Variants in NOX3 observed in about 807,000 individuals in gnomAD.
NOX3 encodes NADPH oxidase catalytic subunit-like 3.
In NOX3, 74 loss-of-function variants were observed where a neutral mutation model predicts 76.7. The ratio of observed to expected loss-of-function variants is 0.96; its 90% CI spans 0.80 to 1.17. NOX3 has a LOEUF of 1.17. NOX3 is among the 50% of genes most tolerant of loss of function. The pLI, the probability that NOX3 is intolerant of heterozygous loss-of-function variation, is 0.00. For missense variants in NOX3, 695 were observed against 703.3 expected (o/e 0.99, Z 0.13); for synonymous variants, 263 against 261.1 (o/e 1.01, Z -0.07).
chr6:155,443,701 T>G (rs996379887), intron 4 of NOX3, among the ~76,000 whole-genome samples: 3 of 151,976 alleles, frequency 2.0e-5, no homozygotes, highest in Non-Finnish European at 2.9e-5. Context: ...GTGGAATAAA[T>G]GTTATGATAT....
At chr6:155,433,935 A>G (rs1375074506) in intron 7 of NOX3, among the ~76,000 whole-genome samples, 6 of 152,208 alleles carry the variant, frequency 3.9e-5, no homozygotes, top group South Asian at 4.1e-4. Flanking sequence ...AAAATGCTCA[A>G]AAAGTCACGC....
intron 4 of NOX3, 71 bp from the exon 5 acceptor site, chr6:155,443,489 T>A: frequency 1.3e-6 from 2 of 1,529,372 alleles, no homozygotes; most frequent in Non-Finnish European, 1.8e-6. Context: ...AAAAATACAG[T>A]GTCTCTGTGC....
chr6:155,411,260 T>C lies in NOX3; in HGVS notation c.1409A>G (p.His470Arg). The C allele has an allele frequency of 1.9e-6, 3 of 1,614,110 alleles. No individual in the cohort carries two copies. Among genetic ancestry groups the C allele is most frequent in the Non-Finnish European group, 8.5e-7 (1 of 1,179,980 alleles). Residue 470 changes from histidine (H) to arginine (R), a missense_variant, in exon 11 of 14, where the codon CAC (histidine) becomes CGC (arginine). His to Arg is a conservative substitution (Grantham distance 29). Coordinates refer to ENST00000159060, the MANE Select transcript of NOX3 (RefSeq NM_015718.3). Reference sequence around the variant, plus strand: ...AAGAAATATATGATAACTCAGAAAGTGAGTTTTCCCCTGCTCACTCATCCG... The same window carrying C: ...AAGAAATATATGATAACTCAGAAAGCGAGTTTTCCCCTGCTCACTCATCCG... The part of the protein sequence containing the change: ...ETRMSEQGKT[H>R]FLSYHIFLTG...
At chr6:155,436,356 A>G (rs1776903177) in intron 7 of NOX3, 62 bp downstream of exon 7, 2 of 1,592,460 alleles carry the variant, frequency 1.3e-6, no homozygotes, top group Admixed American at 3.4e-5. Flanking sequence ...CCAAGCCTAT[A>G]AAAACTCTGT....
chr6:155,430,925 C>T lies in NOX3; in HGVS notation c.809G>A (p.Trp270Ter). Reference protein sequence around the residue: ...FSGKEPSAWKWILGPVVLYAC... With the variant: ...FSGKEPSAWK ...ATACAAGACCACAGGGCCTAAAATCCATTTCCAAGCCTGAAGAGAGTAGCA... is the reference window on the plus strand; with the variant it reads ...ATACAAGACCACAGGGCCTAAAATCTATTTCCAAGCCTGAAGAGAGTAGCA... The change falls in exon 8 of 14, where the codon TGG becomes TAG. Residue 270 changes from tryptophan (W) to a stop codon, truncating the protein, a stop_gained. Coordinates refer to ENST00000159060, the MANE Select transcript of NOX3 (RefSeq NM_015718.3). LOFTEE classifies it high-confidence loss of function. 1.9e-6 allele frequency: 3 copies of T among 1,606,438 alleles called. No homozygotes were observed. Among genetic ancestry groups the T allele is most frequent in the Non-Finnish European group, 2.6e-6 (3 of 1,173,626 alleles).
chr6:155,443,935 A>G (rs1179171965), intron 4 of NOX3, among the ~76,000 whole-genome samples: 1 of 152,208 alleles, frequency 6.6e-6, no homozygotes, highest in African/African-American at 2.4e-5. Flanking sequence ...AGTGGAATAA[A>G]TGTTATGATA....
At position 155,422,820 on chromosome 6, in the gene NOX3, T is replaced by C. The variant is rs780345469; in HGVS notation, c.1182A>G (p.Thr394=). ...CACACACTGGGTAGTGAAATACATC[T>C]GTCAGGGCAGTTCCAAAGGGCCCGT... ...AVDGPFGTAL[T]DVFHYPVCVC... The change falls in exon 10 of 14, where the codon ACA becomes ACG. Residue 394 remains threonine, a synonymous_variant. Coordinates refer to ENST00000159060, the MANE Select transcript of NOX3 (RefSeq NM_015718.3). 5.6e-6 allele frequency: 9 copies of C among 1,614,200 alleles called. No homozygotes were observed. The highest frequency in any genetic ancestry group is 1.3e-5 in the African/African-American group (1 of 75,064).
intron 5 of NOX3, among the ~76,000 whole-genome samples, 196 bp downstream of exon 5, chr6:155,443,077 C>G (rs981451673): frequency 1.3e-5 from 2 of 152,004 alleles, no homozygotes; most frequent in Admixed American, 1.3e-4. Context: ...ATCTTTTTCT[C>G]CTTGCTCATA....
chr6:155,450,795 A>G (rs2235675), intron 4 of NOX3, among the ~76,000 whole-genome samples: 104,242 of 151,944 alleles, frequency 0.69, 36,443 homozygotes, highest in African/African-American at 0.82. Context: ...CCAGGGGGAT[A>G]TGGCAGGAGA....
chr6:155,422,875 G>A lies in NOX3; in HGVS notation c.1146-19C>T, dbSNP rs775181385. 3.1e-6 allele frequency: 5 copies of A among 1,613,264 alleles called. No homozygotes were observed. In the African/African-American group the frequency reaches 6.7e-5, roughly 22 times the overall value. ...TGCCAGCCTGGAATCATAGAGGAAT[G>A]CAGCCTATTTGACCTTCAGAACACC... On this transcript the variant is annotated intron_variant, in intron 9 of 13. Coordinates refer to ENST00000159060, the MANE Select transcript of NOX3 (RefSeq NM_015718.3).
At chr6:155,445,238 T>C (rs1777045979) in intron 4 of NOX3, among the ~76,000 whole-genome samples, 1 of 152,220 alleles carries the variant, frequency 6.6e-6, no homozygotes, top group Non-Finnish European at 1.5e-5. Context: ...GGGGTATAGA[T>C]AATTTCCCAG....
intron 8 of NOX3, among the ~76,000 whole-genome samples, 200 bp downstream of exon 8, chr6:155,430,643 C>T (rs1004011658): frequency 2.6e-5 from 4 of 151,842 alleles, no homozygotes; most frequent in African/African-American, 9.7e-5. Context: ...TTCTGTGTGC[C>T]GTCTGGAGCC....
intron 4 of NOX3, among the ~76,000 whole-genome samples, chr6:155,445,843 A>C (rs1455004113): frequency 6.8e-6 from 1 of 146,870 alleles, no homozygotes; most frequent in Non-Finnish European, 1.5e-5. Flanking sequence ...ACCTTGTTGG[A>C]GTAGTGTTTT....
At chr6:155,417,183 A>G (rs1465241476) in intron 10 of NOX3, among the ~76,000 whole-genome samples, 1 of 152,212 alleles carries the variant, frequency 6.6e-6, no homozygotes, top group Non-Finnish European at 1.5e-5. Flanking sequence ...GTTATGCTTT[A>G]ATGAAAAACA....
chr6:155,430,806 C>T, intron 8 of NOX3, 37 bp downstream of exon 8: 1 of 1,450,304 alleles, frequency 6.9e-7, no homozygotes, highest in Non-Finnish European at 9.6e-7. Flanking sequence ...TTCATCTACA[C>T]TCAGGCTTTT....
At chr6:155,407,279 T>G in intron 11 of NOX3, 25 bp from the exon 12 acceptor site, 1 of 1,592,812 alleles carries the variant, frequency 6.3e-7, no homozygotes. Context: ...TGGCATTAGA[T>G]GACATTTAGA....
At chr6:155,436,919 C>G (rs1339923002) in intron 6 of NOX3, among the ~76,000 whole-genome samples, 2 of 152,162 alleles carry the variant, frequency 1.3e-5, no homozygotes, top group Non-Finnish European at 2.9e-5. Flanking sequence ...TAACTTTGTA[C>G]TATTTGGTTC....
Position 155,430,942 on chromosome 6 carries a change from A to G in NOX3, c.799-7T>C, listed in dbSNP as rs1352292491. The stretch of plus-strand genomic sequence containing the variant: ...CTAAAATCCATTTCCAAGCCTGAAG[A>G]GAGTAGCAGAGAGAGAGAGAAAAAG... On this transcript the variant is annotated splice_polypyrimidine_tract_variant and splice_region_variant and intron_variant, in intron 7 of 13. Transcript: ENST00000159060. 5 of 1,502,266 alleles carry G rather than the reference A, an allele frequency of 3.3e-6. No individual in the cohort carries two copies. Among genetic ancestry groups the G allele is most frequent in the Non-Finnish European group, 3.7e-6 (4 of 1,085,420 alleles). 93.1% of individuals were successfully genotyped at this position (1,502,266 alleles called of 1,614,324 possible). A position where few individuals can be genotyped will look rare whatever the true frequency, so the allele number is the denominator to read the frequency against.
chr6:155,443,287 G>A lies in NOX3; in HGVS notation c.472C>T (p.Arg158Trp), dbSNP rs370289403. The change falls in exon 5 of 14, where the codon CGG (arginine) becomes TGG (tryptophan). Residue 158 changes from arginine (R) to tryptophan (W), a missense_variant. Coordinates refer to ENST00000159060, the MANE Select transcript of NOX3 (RefSeq NM_015718.3). ...CAGGAACTCACTGTGGGGAAGGTCC[G>A]GACAGGGTTGAGGTAGCTCTCGTTA... ...TPNESYLNPVRTFPTNTTTEL... is the reference protein window; with the variant it reads ...TPNESYLNPVWTFPTNTTTEL... 85 of 1,613,672 alleles carry A rather than the reference G, an allele frequency of 5.3e-5. No individual in the cohort carries two copies. The highest frequency in any genetic ancestry group is 1.7e-4 in the Middle Eastern group (1 of 6,060).
Sources: gnomAD v4.1 joint callset for allele counts (sites outside exome capture counted in the v4.1 genomes callset) on GRCh38, gnomAD v4.1.1 for gene constraint, MANE v1.5 for transcripts, NCBI Gene and HGNC (gene_info 2026-07-23, HGNC 2026-07-21) for gene names.